The following PAK1 variants were observed in gnomAD, a reference collection of about 807,000 sequenced individuals.
PAK1 encodes the protein p21 (RAC1) activated kinase 1.
Under a neutral mutation model 67.4 loss-of-function variants are expected in PAK1, and 29 were observed. The observed-to-expected ratio is 0.43, with a 90% CI of 0.32 to 0.59. PAK1 has a LOEUF of 0.59. PAK1 is among the 20% of genes least tolerant of loss of function. The pLI is 0.07. For missense variants in PAK1, 337 were observed against 670.7 expected (o/e 0.50, Z 5.50); for synonymous variants, 223 against 237.4 (o/e 0.94, Z 0.56).
upstream of PAK1, chr11:77,474,314 C>G (rs1958018580): frequency 6.6e-6 from 1 of 152,096 alleles, no homozygotes; most frequent in Non-Finnish European, 1.5e-5. Context: ...GGGAGCGAGG[C>G]CAAACCCTGG....
intron 7 of PAK1, among the ~76,000 whole-genome samples, chr11:77,355,137 A>G (rs1286647102): frequency 6.6e-6 from 1 of 152,194 alleles, no homozygotes; most frequent in Non-Finnish European, 1.5e-5. Flanking sequence ...TTAGGATCAT[A>G]ATGCTTTTCT....
At chr11:77,325,208 C>G (rs1939492406) in intron 14 of PAK1, 1 of 1,172,980 alleles carries the variant, frequency 8.5e-7, no homozygotes, top group Admixed American at 2.5e-5. Context: ...ATAAACAAAA[C>G]AGACTAGATG....
At chr11:77,349,642 G>A (rs1334256416) in intron 8 of PAK1, 4 of 228,536 alleles carry the variant, frequency 1.8e-5, no homozygotes, top group Non-Finnish European at 2.7e-5. Context: ...AAAGTACTTA[G>A]CCAACTGCAT....
rs189634288 is a variant in PAK1 at position 77,468,379 on chromosome 11, G to A, written c.-22+5173C>T. On this transcript the variant is annotated intron_variant, in intron 1 of 14. Coordinates refer to ENST00000356341, the MANE Select transcript of PAK1 (RefSeq NM_002576.5). Reference sequence around the variant, plus strand: ...ACTATTCCTCAAGAAGGGATAATCCGGAGAAGCCTAGCATATACATGACTT... The same window carrying A: ...ACTATTCCTCAAGAAGGGATAATCCAGAGAAGCCTAGCATATACATGACTT... Among the ~76,000 whole-genome samples the A allele has an allele frequency of 7.2e-5, 11 of 152,226 alleles. No individual in the cohort carries two copies. The East Asian group carries it at 1.5e-3, about 21-fold the overall frequency.
At chr11:77,425,091 A>G (rs1162343558) in intron 1 of PAK1, among the ~76,000 whole-genome samples, 1 of 152,182 alleles carries the variant, frequency 6.6e-6, no homozygotes, top group African/African-American at 2.4e-5. Context: ...GCTGTTTTAA[A>G]TATCTAAAAT....
chr11:77,339,676 G>A (rs573048508), intron 11 of PAK1, among the ~76,000 whole-genome samples: 78 of 151,984 alleles, frequency 5.1e-4, no homozygotes, highest in Non-Finnish European at 1.1e-3. Context: ...CATAATTTCA[G>A]CAGTATGCCT....
chr11:77,497,997 C>T, the PAK1 span, among the ~76,000 whole-genome samples: 1 of 151,968 alleles, frequency 6.6e-6, no homozygotes, highest in East Asian at 1.9e-4. Context: ...AATACTTAAC[C>T]TTAGTCTGTG....
intron 1 of PAK1, among the ~76,000 whole-genome samples, chr11:77,429,056 TAA>T (rs566874549): frequency 2.9e-4 from 14 of 48,974 alleles, no homozygotes; most frequent in East Asian, 8.3e-4. Context: ...CATTTAATAC[TAA>T]AAAAAAAAAA....
chr11:77,498,481 G>C, the PAK1 span, among the ~76,000 whole-genome samples: 1 of 146,672 alleles, frequency 6.8e-6, no homozygotes, highest in South Asian at 2.1e-4. Context: ...CTCTTTCTCC[G>C]ACACACACAC....
chr11:77,500,868 A>G, the PAK1 span, among the ~76,000 whole-genome samples: 82 of 152,182 alleles, frequency 5.4e-4, 1 homozygote, highest in South Asian at 0.016. Flanking sequence ...GTTCTTTCCC[A>G]ACAGACTTCT....
At position 77,322,187 on chromosome 11, in the gene PAK1, A is replaced by G. The variant is rs746254734; in HGVS notation, c.*1087T>C. On this transcript the variant is annotated 3_prime_UTR_variant, in exon 15 of 15. Transcript: ENST00000356341. ...AACCACAAAAATAGCAGGAGGTAGC[A>G]AACATCCCCAACACCCAGTGTAAGC... is the stretch of plus-strand genomic sequence containing the variant. 2 of 205,708 alleles carry G rather than the reference A, an allele frequency of 9.7e-6. No individual in the cohort carries two copies. The highest frequency in any genetic ancestry group is 5.9e-5 in the Admixed American group (1 of 16,830). 12.7% of individuals were successfully genotyped at this position (205,708 alleles called of 1,614,324 possible).
At chr11:77,424,226 G>T (rs992285846) in intron 1 of PAK1, among the ~76,000 whole-genome samples, 21 of 152,178 alleles carry the variant, frequency 1.4e-4, no homozygotes, top group African/African-American at 4.8e-4. Context: ...TGCAGGGGAT[G>T]CTACTGCCTC....
rs376733402 is a variant in PAK1, at chr11:77,443,010, AG to A, written c.-22+30541del. ...GGATTAAATGAGAATAGTTTCTAAA[AG>A]TATCTAAAACAGTATAGAATTATAC... On this transcript the variant is annotated intron_variant, in intron 1 of 14. Transcript: ENST00000356341. 3.1e-3 allele frequency among the ~76,000 whole-genome samples: 476 copies of A among 152,310 alleles called. 2 individuals are homozygous for A. Among genetic ancestry groups the A allele is most frequent in the Admixed American group, 7.1e-3 (109 of 15,304 alleles).
At chr11:77,354,871 G>T (rs1377933262) in intron 7 of PAK1, among the ~76,000 whole-genome samples, 2 of 152,158 alleles carry the variant, frequency 1.3e-5, no homozygotes, top group African/African-American at 2.4e-5. Flanking sequence ...CAAGCCCACA[G>T]ATCAACCTAG....
intron 1 of PAK1, among the ~76,000 whole-genome samples, chr11:77,402,250 T>C (rs951140663): frequency 1.3e-5 from 2 of 152,096 alleles, no homozygotes; most frequent in African/African-American, 2.4e-5. Context: ...TAGAGAAGAA[T>C]GAGAGGCAGC....
At chr11:77,327,799 G>A in intron 14 of PAK1, among the ~76,000 whole-genome samples, 1 of 152,144 alleles carries the variant, frequency 6.6e-6, no homozygotes, top group Non-Finnish European at 1.5e-5. Flanking sequence ...AACTTTAAAC[G>A]TAAATGGGCT....
chr11:77,467,893 G>A (rs1390511508), intron 1 of PAK1, among the ~76,000 whole-genome samples: 7 of 152,156 alleles, frequency 4.6e-5, no homozygotes, highest in African/African-American at 1.4e-4. Flanking sequence ...CTTGGTAAGT[G>A]CAGTAATACA....
chr11:77,417,427 G>T (rs1179522094), intron 1 of PAK1, among the ~76,000 whole-genome samples: 1 of 152,170 alleles, frequency 6.6e-6, no homozygotes, highest in Non-Finnish European at 1.5e-5. Context: ...CTAAACTATA[G>T]AAATAGTAAA....
At chr11:77,475,741 T>C (rs1002949736), upstream of PAK1, 9 of 152,252 alleles carry the variant, frequency 5.9e-5, no homozygotes, top group Non-Finnish European at 1.0e-4. Context: ...TGTAATTCTA[T>C]AGTATTTCTA....
Sources: allele counts gnomAD v4.1 joint callset (sites outside exome capture counted in the v4.1 genomes callset), GRCh38; gene constraint gnomAD v4.1.1; transcripts MANE v1.5; gene names NCBI Gene and HGNC (gene_info 2026-07-23, HGNC 2026-07-21).